Variants in PSME4 observed in about 807,000 individuals in gnomAD.
The protein encoded by PSME4 is proteasome activator complex subunit 4.
A neutral mutation model predicts 253.9 loss-of-function variants in PSME4; 89 were observed. That is an observed-to-expected ratio of 0.35 (90% CI 0.30 to 0.42). The LOEUF (loss-of-function observed/expected upper bound fraction) is 0.42. Among genes scored for constraint, PSME4 ranks in the 10% least tolerant of loss-of-function variants. The probability of loss-of-function intolerance (pLI) is 1.00; values close to 1 mark genes in which losing one functional copy is unlikely to be tolerated. For synonymous variants in PSME4, 851 were observed against 759.2 expected, an observed-to-expected ratio of 1.12 and a Z score of -1.99; for missense variants, 2,014 against 2,195.2, an observed-to-expected ratio of 0.92 and a Z score of 1.65.
In PSME4 at chr2:53,887,469, T is replaced by C; in HGVS notation, c.4521-2A>G. On this transcript the variant is annotated splice_acceptor_variant, in intron 39 of 46. Transcript: ENST00000404125. LOFTEE classifies it high-confidence loss of function. ...ATCATGAATATGTAGGTCAGCACAC[T>C]GCAAAATAAAATACTTAATAATAGG... 2 of 1,606,674 alleles carry C rather than the reference T, an allele frequency of 1.2e-6. No individual in the cohort carries two copies. The highest frequency in any genetic ancestry group is 1.1e-5 in the South Asian group (1 of 90,324).
chr2:53,920,567 T>C (rs980377261), intron 18 of PSME4, among the ~76,000 whole-genome samples: 5 of 152,238 alleles, frequency 3.3e-5, no homozygotes, highest in African/African-American at 1.2e-4. Flanking sequence ...GTACTCATTA[T>C]AATATGAGTT....
At chr2:53,919,276 T>A (rs1370160971) in intron 19 of PSME4, 30 bp from the exon 20 acceptor site, 6 of 1,551,944 alleles carry the variant, frequency 3.9e-6, no homozygotes, top group Non-Finnish European at 5.2e-6. Context: ...ATTTTCATAT[T>A]TCCAAATCCC....
At chr2:53,869,268 G>T in intron 44 of PSME4, 108 bp downstream of exon 44, 2 of 1,134,878 alleles carry the variant, frequency 1.8e-6, no homozygotes. Context: ...CCAATACCTA[G>T]CATAGACCTG....
At chr2:53,898,890 G>C (rs887354869) in intron 29 of PSME4, among the ~76,000 whole-genome samples, 11 of 151,920 alleles carry the variant, frequency 7.2e-5, no homozygotes, top group Admixed American at 2.0e-4. Context: ...TACCAAATTT[G>C]ACCAATAAGT....
At chr2:53,869,129 A>G (rs1678745782) in intron 44 of PSME4, among the ~76,000 whole-genome samples, 1 of 152,188 alleles carries the variant, frequency 6.6e-6, no homozygotes, top group Non-Finnish European at 1.5e-5. Context: ...GGCGGAGGGT[A>G]GACTGAATAC....
chr2:53,940,108 T>C (rs1484908958), intron 3 of PSME4, 108 bp from the exon 4 acceptor site: 1 of 853,998 alleles, frequency 1.2e-6, no homozygotes, highest in East Asian at 2.9e-5. Context: ...GTATTATTTG[T>C]TTACATGTAA....
At chr2:53,960,834 G>A (rs547129414) in intron 1 of PSME4, among the ~76,000 whole-genome samples, 59 of 152,282 alleles carry the variant, frequency 3.9e-4, no homozygotes, top group African/African-American at 1.2e-3. Flanking sequence ...CTGGCCAGGC[G>A]CGGTGGCTCA....
intron 19 of PSME4, among the ~76,000 whole-genome samples, chr2:53,919,448 A>C (rs983909095): frequency 6.6e-6 from 1 of 152,222 alleles, no homozygotes; most frequent in Non-Finnish European, 1.5e-5. Context: ...ACATTTAAAC[A>C]GGCTCTAAGT....
chr2:53,919,257 A>T lies in PSME4; in HGVS notation c.2421-11T>A. The stretch of plus-strand genomic sequence containing the variant: ...TGTAGAATATCATCTCTAGAAAAAA[A>T]AAAAAGACATTTTCATATTTCCAAA... On this transcript the variant is annotated splice_polypyrimidine_tract_variant and intron_variant, in intron 19 of 46. Coordinates refer to ENST00000404125, the MANE Select transcript of PSME4 (RefSeq NM_014614.3). 1.9e-6 allele frequency: 3 copies of T among 1,563,616 alleles called. No homozygotes were observed. Among genetic ancestry groups the T allele is most frequent in the Non-Finnish European group, 2.6e-6 (3 of 1,163,184 alleles).
rs574342458 is a variant in PSME4 at position 53,881,706 on chromosome 2, C to A, written c.4815+3984G>T. ...TTCAAGTGATTCTCCTGTCTCAGAC[C>A]CCTGGGTAGCTGGGACTACAGTATC... On this transcript the variant is annotated intron_variant, in intron 41 of 46. Coordinates refer to ENST00000404125, the MANE Select transcript of PSME4 (RefSeq NM_014614.3). Among the ~76,000 whole-genome samples, 4 of 152,054 alleles carry A rather than the reference C, an allele frequency of 2.6e-5. No individual in the cohort carries two copies. In the South Asian group the frequency reaches 8.3e-4, roughly 32 times the overall value.
intron 41 of PSME4, among the ~76,000 whole-genome samples, chr2:53,878,090 T>C (rs200140988): frequency 1.3e-5 from 2 of 152,144 alleles, no homozygotes; most frequent in Non-Finnish European, 2.9e-5. Context: ...CTACTGGCTG[T>C]TGCAGGAAGT....
intron 1 of PSME4, among the ~76,000 whole-genome samples, chr2:53,959,215 T>C (rs1483111696): frequency 6.6e-6 from 1 of 152,126 alleles, no homozygotes; most frequent in African/African-American, 2.4e-5. Context: ...TTATTAATTA[T>C]TTTGTATGTA....
intron 5 of PSME4, 64 bp from the exon 6 acceptor site, chr2:53,936,891 C>T (rs1669149237): frequency 1.8e-6 from 2 of 1,128,334 alleles, no homozygotes; most frequent in Admixed American, 2.3e-5. Flanking sequence ...GCCAGCTATG[C>T]TTTGTCTTTT....
chr2:53,922,108 T>C (rs805311), intron 17 of PSME4, among the ~76,000 whole-genome samples: 33,646 of 147,308 alleles, frequency 0.23, 4,121 homozygotes, highest in South Asian at 0.33. Context: ...GGAGGCGGAG[T>C]TTGCAGTGAG....
At chr2:53,884,306 G>A (rs1046093447) in intron 41 of PSME4, among the ~76,000 whole-genome samples, 7 of 152,112 alleles carry the variant, frequency 4.6e-5, no homozygotes, top group African/African-American at 1.7e-4. Context: ...CACCTCCCGG[G>A]TTCAAGCGAT....
rs1221392200 is a variant in PSME4, at chr2:53,875,757, T to C, written c.4816-2A>G. On this transcript the variant is annotated splice_acceptor_variant, in intron 41 of 46. Transcript: ENST00000404125. LOFTEE classifies it high-confidence loss of function. ...ATTGTCATTTTCCACTGGGGCAATCTAAAAAACAATGTAAAAAGGACAAAA... is the reference window on the plus strand; with the variant it reads ...ATTGTCATTTTCCACTGGGGCAATCCAAAAAACAATGTAAAAAGGACAAAA... The C allele has an allele frequency of 6.2e-7, 1 of 1,609,080 alleles. No individual in the cohort carries two copies. Among genetic ancestry groups the C allele is most frequent in the Non-Finnish European group, 8.5e-7 (1 of 1,178,052 alleles).
intron 9 of PSME4, 104 bp from the exon 10 acceptor site, chr2:53,932,204 T>C: frequency 9.9e-7 from 1 of 1,005,766 alleles, no homozygotes; most frequent in East Asian, 2.4e-5. Context: ...AAATAACAGT[T>C]CTTATTATCT....
intron 31 of PSME4, among the ~76,000 whole-genome samples, 180 bp downstream of exon 31, chr2:53,897,690 C>T (rs1680205310): frequency 6.6e-6 from 1 of 152,116 alleles, no homozygotes; most frequent in Admixed American, 6.6e-5. Context: ...AACAGAGTGC[C>T]TAAACATGTT....
chr2:53,867,184 A>C (rs1329191370), intron 44 of PSME4, among the ~76,000 whole-genome samples: 1 of 152,062 alleles, frequency 6.6e-6, no homozygotes, highest in Non-Finnish European at 1.5e-5. Flanking sequence ...TAAAGTGAGA[A>C]CCTGTCTCTC....
Sources: allele counts gnomAD v4.1 joint callset (sites outside exome capture counted in the v4.1 genomes callset), GRCh38; gene constraint gnomAD v4.1.1; transcripts MANE v1.5; gene names NCBI Gene and HGNC (gene_info 2026-07-23, HGNC 2026-07-21).